AIDA: variants seen among roughly 807,000 people sequenced by gnomAD.
AIDA encodes the protein axin interactor, dorsalization-associated protein.
A neutral mutation model predicts 42.7 loss-of-function variants in AIDA; 18 were observed. The observed-to-expected ratio is 0.42, with a 90% confidence interval of 0.29 to 0.63. AIDA has a LOEUF of 0.63. Ranked by LOEUF, AIDA falls within the 20% of genes least tolerant of loss-of-function variation. The pLI is 0.19. For missense variants in AIDA, 250 were observed against 354.1 expected, an observed-to-expected ratio of 0.71 and a Z score of 2.36; for synonymous variants, 104 against 122.9, an observed-to-expected ratio of 0.85 and a Z score of 1.02.
intron 6 of AIDA, among the ~76,000 whole-genome samples, chr1:222,682,248 CATG>C (rs1251720514): frequency 1.3e-5 from 2 of 152,116 alleles, no homozygotes; most frequent in African/African-American, 4.8e-5. Context: ...GGGCAAATGG[CATG>C]ATGGTCTTTG....
chr1:222,668,308 G>C lies in AIDA; in HGVS notation c.*1585C>G, dbSNP rs562136243. On this transcript the variant is annotated 3_prime_UTR_variant, in exon 10 of 10. Transcript: ENST00000340020. Reference sequence around the variant, plus strand: ...AAATTACATGACACGGAGAAAATGCGCCTCTTGCTCCTTGAAGAGCTTACA... The same window carrying C: ...AAATTACATGACACGGAGAAAATGCCCCTCTTGCTCCTTGAAGAGCTTACA... The C allele has an allele frequency of 2.3e-5, 3 of 130,268 alleles. No individual in the cohort carries two copies. The highest frequency in any genetic ancestry group is 1.6e-4 in the Admixed American group (2 of 12,220). The allele number at this position is 130,268 out of a possible 1,614,324, so 8.1% of individuals were successfully genotyped here.
intron 6 of AIDA, among the ~76,000 whole-genome samples, chr1:222,677,526 T>C (rs991479310): frequency 6.6e-6 from 1 of 152,208 alleles, no homozygotes; most frequent in African/African-American, 2.4e-5. Context: ...ATTTTATCAT[T>C]AAATATGACT....
At chr1:222,697,712 C>T (rs1179179393) in intron 2 of AIDA, among the ~76,000 whole-genome samples, 8 of 152,068 alleles carry the variant, frequency 5.3e-5, no homozygotes, top group Admixed American at 4.6e-4. Context: ...TTTGCTAAAA[C>T]GTATTCAATC....
chr1:222,683,945 G>A (rs1157587162), intron 6 of AIDA, among the ~76,000 whole-genome samples: 4 of 151,832 alleles, frequency 2.6e-5, no homozygotes, highest in Non-Finnish European at 5.9e-5. Flanking sequence ...TGAAAGGCTG[G>A]CTAAAAAGTT....
chr1:222,706,467 A>G (rs1655840020), intron 1 of AIDA, among the ~76,000 whole-genome samples: 3 of 152,222 alleles, frequency 2.0e-5, no homozygotes, highest in Non-Finnish European at 4.4e-5. Flanking sequence ...TGGTATATCC[A>G]TAAAAGGTAG....
Position 222,670,315 on chromosome 1 carries a change from C to T in AIDA, c.707-65G>A, listed in dbSNP as rs1323484657. 5.4e-6 allele frequency: 7 copies of T among 1,303,740 alleles called. No homozygotes were observed. The East Asian group carries it at 1.7e-4, about 31-fold the overall frequency. 80.8% of individuals were successfully genotyped at this position (1,303,740 alleles called of 1,614,324 possible). Reference sequence around the variant, plus strand: ...CATTTCTTGTGTGTCAATTAATTTTCTTTGATCACCAGAAGCATATGAACA... The same window carrying T: ...CATTTCTTGTGTGTCAATTAATTTTTTTTGATCACCAGAAGCATATGAACA... On this transcript the variant is annotated intron_variant, in intron 8 of 9. Transcript: ENST00000340020.
At chr1:222,701,984 G>A (rs2647398) in intron 2 of AIDA, among the ~76,000 whole-genome samples, 8 of 150,056 alleles carry the variant, frequency 5.3e-5, no homozygotes, top group African/African-American at 1.5e-4. Flanking sequence ...TCGGCCTCCC[G>A]AAGTGCTGGG....
chr1:222,676,925 C>CAAAA (rs113969334), intron 6 of AIDA, among the ~76,000 whole-genome samples: 1 of 131,328 alleles, frequency 7.6e-6, no homozygotes, highest in Admixed American at 7.4e-5. Context: ...AAAAAAACCA[C>CAAAA]AAAAAAAAAC....
chr1:222,699,572 C>G (rs1445817686), intron 2 of AIDA, among the ~76,000 whole-genome samples: 3 of 152,168 alleles, frequency 2.0e-5, no homozygotes, highest in Non-Finnish European at 4.4e-5. Context: ...GTCACAAACT[C>G]TATCTGTTCA....
At chr1:222,680,688 G>A (rs1396692119) in intron 6 of AIDA, among the ~76,000 whole-genome samples, 1 of 151,804 alleles carries the variant, frequency 6.6e-6, no homozygotes, top group African/African-American at 2.4e-5. Context: ...TCGAGAAATC[G>A]CAACTACAAG....
At chr1:222,704,846 G>T (rs1215350448) in intron 1 of AIDA, among the ~76,000 whole-genome samples, 6 of 151,942 alleles carry the variant, frequency 3.9e-5, no homozygotes, top group African/African-American at 1.5e-4. Flanking sequence ...GAAAAAACTG[G>T]CATAAGAATT....
chr1:222,710,275 T>G (rs1655960815), intron 1 of AIDA, among the ~76,000 whole-genome samples: 1 of 152,218 alleles, frequency 6.6e-6, no homozygotes, highest in Non-Finnish European at 1.5e-5. Context: ...TCACTGAAAT[T>G]TGACCCTGGC....
chr1:222,707,020 G>A (rs929463056), intron 1 of AIDA, among the ~76,000 whole-genome samples: 1 of 152,046 alleles, frequency 6.6e-6, no homozygotes, highest in Non-Finnish European at 1.5e-5. Context: ...TGTCTTGTGG[G>A]GGTGATGGAA....
intron 4 of AIDA, among the ~76,000 whole-genome samples, chr1:222,691,391 C>T (rs1439670185): frequency 1.3e-5 from 2 of 152,190 alleles, no homozygotes; most frequent in Admixed American, 6.5e-5. Context: ...CACATAGCCA[C>T]TCTGAATCTC....
intron 6 of AIDA, 77 bp from the exon 7 acceptor site, chr1:222,676,295 G>A (rs1664542110): frequency 6.9e-7 from 1 of 1,447,976 alleles, no homozygotes; most frequent in Non-Finnish European, 9.2e-7. Flanking sequence ...AGAAGATACA[G>A]CCTTGCTTGT....
chr1:222,708,554 G>T (rs562674439), intron 1 of AIDA, among the ~76,000 whole-genome samples: 8 of 151,870 alleles, frequency 5.3e-5, no homozygotes, highest in Non-Finnish European at 1.0e-4. Flanking sequence ...ATTTTTAGTA[G>T]AGAGGGGGTT....
chr1:222,704,228 A>G (rs1485190431), intron 1 of AIDA, among the ~76,000 whole-genome samples: 1 of 152,222 alleles, frequency 6.6e-6, no homozygotes, highest in Non-Finnish European at 1.5e-5. Context: ...GCTGGTGGGA[A>G]TGTAAAATGG....
chr1:222,694,122 C>T (rs1655450561), intron 3 of AIDA, 88 bp downstream of exon 3: 1 of 1,233,106 alleles, frequency 8.1e-7, no homozygotes, highest in African/African-American at 1.5e-5. Context: ...TGAGACAATA[C>T]TGCTTTTGAC....
intron 4 of AIDA, 113 bp from the exon 5 acceptor site, chr1:222,687,771 TC>T: frequency 1.2e-6 from 1 of 829,928 alleles, no homozygotes; most frequent in Non-Finnish European, 1.7e-6. Flanking sequence ...ATATATAAAT[TC>T]CCAGCCTTAC....
Sources: allele counts gnomAD v4.1 joint callset (sites outside exome capture counted in the v4.1 genomes callset), GRCh38; gene constraint gnomAD v4.1.1; transcripts MANE v1.5; gene names NCBI Gene and HGNC (gene_info 2026-07-23, HGNC 2026-07-21).